Variants in NRXN3 observed in about 807,000 individuals in gnomAD.
The protein encoded by NRXN3 is neurexin III.
Under a neutral mutation model 137.6 loss-of-function variants are expected in NRXN3, and 32 were observed. That is an observed-to-expected ratio of 0.23 (90% CI 0.18 to 0.31). The LOEUF (loss-of-function observed/expected upper bound fraction) is 0.31. Ranked by LOEUF, NRXN3 falls within the 10% of genes least tolerant of loss-of-function variation. NRXN3 has a pLI of 1.00. For synonymous variants in NRXN3, 798 were observed against 784.5 expected (o/e 1.02, Z -0.29); for missense variants, 1,574 against 2,062.5 (o/e 0.76, Z 4.59).
intron 15 of NRXN3, among the ~76,000 whole-genome samples, chr14:79,234,662 G>A (rs927867450): frequency 4.6e-5 from 7 of 151,898 alleles, no homozygotes; most frequent in Admixed American, 3.3e-4. Context: ...GATTATAGGT[G>A]TAAGCCAGGG....
At chr14:78,506,227 T>C (rs891169444) in intron 4 of NRXN3, among the ~76,000 whole-genome samples, 1 of 152,204 alleles carries the variant, frequency 6.6e-6, no homozygotes, top group Non-Finnish European at 1.5e-5. Flanking sequence ...GTATTTGTCC[T>C]GTGACTGGCT....
At chr14:79,463,247 A>G (rs2096376289) in intron 15 of NRXN3, among the ~76,000 whole-genome samples, 2 of 152,310 alleles carry the variant, frequency 1.3e-5, no homozygotes, top group African/African-American at 4.8e-5. Flanking sequence ...TGAAGAAACT[A>G]TAGGTCACCC....
chr14:78,955,355 C>T (rs566713300), intron 10 of NRXN3, among the ~76,000 whole-genome samples: 1 of 152,080 alleles, frequency 6.6e-6, no homozygotes, highest in South Asian at 2.1e-4. Context: ...CAATCTTAGA[C>T]CTGAACTTAA....
At chr14:79,469,621 T>C (rs2096473724) in intron 16 of NRXN3, among the ~76,000 whole-genome samples, 1 of 152,204 alleles carries the variant, frequency 6.6e-6, no homozygotes, top group Non-Finnish European at 1.5e-5. Flanking sequence ...ACTTGGGTGA[T>C]ACAGCCGATT....
At chr14:79,790,708 C>T (rs192108029) in intron 19 of NRXN3, among the ~76,000 whole-genome samples, 41 of 151,040 alleles carry the variant, frequency 2.7e-4, no homozygotes, top group African/African-American at 9.5e-4. Context: ...GCAACCTCCG[C>T]CTCCCAGGTT....
At chr14:79,733,271 A>G (rs2098930433) in intron 19 of NRXN3, among the ~76,000 whole-genome samples, 1 of 152,176 alleles carries the variant, frequency 6.6e-6, no homozygotes, top group Non-Finnish European at 1.5e-5. Context: ...AAAAAATAAA[A>G]TCTGCCTACC....
At chr14:78,395,657 GT>G (rs1258577181) in intron 4 of NRXN3, among the ~76,000 whole-genome samples, 3 of 151,828 alleles carry the variant, frequency 2.0e-5, no homozygotes, top group Non-Finnish European at 4.4e-5. Context: ...TCCGTTTTCA[GT>G]TTTTGCTTCA....
At chr14:79,656,510 C>T (rs1419684695) in intron 16 of NRXN3, among the ~76,000 whole-genome samples, 1 of 152,124 alleles carries the variant, frequency 6.6e-6, no homozygotes, top group African/African-American at 2.4e-5. Context: ...GTAGCTTTGA[C>T]TTGCATCTTA....
At chr14:79,612,035 A>G (rs554721678) in intron 16 of NRXN3, among the ~76,000 whole-genome samples, 18 of 152,334 alleles carry the variant, frequency 1.2e-4, no homozygotes, top group Admixed American at 1.2e-3. Context: ...ATGCTATGGT[A>G]ATAAGACACT....
chr14:79,073,566 T>C (rs909347318), intron 15 of NRXN3, among the ~76,000 whole-genome samples: 1 of 152,204 alleles, frequency 6.6e-6, no homozygotes, highest in Non-Finnish European at 1.5e-5. Flanking sequence ...CAGTGTTTGG[T>C]GGCTTAGGTC....
chr14:78,925,499 G>C (rs985301137), intron 10 of NRXN3, among the ~76,000 whole-genome samples: 2 of 152,134 alleles, frequency 1.3e-5, no homozygotes, highest in Non-Finnish European at 2.9e-5. Context: ...AAACATACTA[G>C]TTAAATGTGA....
At chr14:79,131,778 T>C (rs956525085) in intron 15 of NRXN3, among the ~76,000 whole-genome samples, 1 of 152,198 alleles carries the variant, frequency 6.6e-6, no homozygotes, top group African/African-American at 2.4e-5. Context: ...TCCCCCAGCC[T>C]TGCTGCCACC....
Position 78,383,841 on chromosome 14 carries a change from C to T in NRXN3, c.757+85981C>T, listed in dbSNP as rs73319521. 9.3e-3 allele frequency among the ~76,000 whole-genome samples: 1,411 copies of T among 152,226 alleles called. 22 individuals are homozygous for T. The highest frequency in any genetic ancestry group is 0.032 in the African/African-American group (1,327 of 41,530). Reference sequence around the variant, plus strand: ...TAATCCTTGCCTTTGCCCAATTTCCCACCTAGGAGAATTTTTGTACCTTGA... The same window carrying T: ...TAATCCTTGCCTTTGCCCAATTTCCTACCTAGGAGAATTTTTGTACCTTGA... On this transcript the variant is annotated intron_variant, in intron 4 of 20. Transcript: ENST00000335750.
intron 4 of NRXN3, among the ~76,000 whole-genome samples, chr14:78,329,152 T>C (rs1315376464): frequency 6.6e-6 from 1 of 152,198 alleles, no homozygotes; most frequent in Non-Finnish European, 1.5e-5. Context: ...ATAGGAGTTA[T>C]AAAAATAATA....
At chr14:79,845,892 GAGAA>G (rs1183938025) in intron 20 of NRXN3, among the ~76,000 whole-genome samples, 1 of 143,232 alleles carries the variant, frequency 7.0e-6, no homozygotes, top group African/African-American at 2.5e-5. Flanking sequence ...GAGAGATGGA[GAGAA>G]AGACAGAGAG....
intron 8 of NRXN3, among the ~76,000 whole-genome samples, chr14:78,777,220 C>G (rs1246370321): frequency 6.6e-6 from 1 of 152,186 alleles, no homozygotes; most frequent in African/African-American, 2.4e-5. Context: ...TACTTACTTT[C>G]ACTGCAGTTA....
In NRXN3 at chr14:79,019,117, C is replaced by G. The variant is rs1055459543; in HGVS notation, c.3262+30976C>G. Among the ~76,000 whole-genome samples, 9 of 152,266 alleles carry G rather than the reference C, an allele frequency of 5.9e-5. 1 individual carries two copies. The highest frequency in any genetic ancestry group is 7.4e-5 in the Non-Finnish European group (5 of 68,022). ...GATGTAGGGACAAGCACTTTGGAGA[C>G]AGTACCTTGGTTCAAGTCCTACTGT... is the stretch of plus-strand genomic sequence containing the variant. On this transcript the variant is annotated intron_variant, in intron 15 of 20. Coordinates refer to ENST00000335750, the MANE Select transcript of NRXN3 (RefSeq NM_001330195.2).
At position 78,850,120 on chromosome 14, in the gene NRXN3, G is replaced by A. The variant is rs963548934; in HGVS notation, c.2275+39776G>A. Among the ~76,000 whole-genome samples, 5 of 152,062 alleles carry A rather than the reference G, an allele frequency of 3.3e-5. No individual in the cohort carries two copies. In the East Asian group the frequency reaches 9.6e-4, roughly 29 times the overall value. ...CCTGTAGCTGAGATAGAGGCAGTAG[G>A]CTGCCACTAATACCTGAGAGAGAGA... On this transcript the variant is annotated intron_variant, in intron 10 of 20. Coordinates refer to ENST00000335750, the MANE Select transcript of NRXN3 (RefSeq NM_001330195.2).
In NRXN3 at chr14:78,409,441, C is replaced by T. The variant is rs367988664; in HGVS notation, c.757+111581C>T. On this transcript the variant is annotated intron_variant, in intron 4 of 20. Transcript: ENST00000335750. Reference sequence around the variant, plus strand: ...GCGTGGTCAGGGAGTAAGGGAGATACATGTACAGACCACTGATGTGGACTC... The same window carrying T: ...GCGTGGTCAGGGAGTAAGGGAGATATATGTACAGACCACTGATGTGGACTC... Among the ~76,000 whole-genome samples the T allele has an allele frequency of 2.0e-5, 3 of 152,338 alleles. No homozygotes were observed. The East Asian group carries it at 5.8e-4, about 29-fold the overall frequency.
Sources: gnomAD v4.1 joint callset for allele counts (sites outside exome capture counted in the v4.1 genomes callset) on GRCh38, gnomAD v4.1.1 for gene constraint, MANE v1.5 for transcripts, NCBI Gene and HGNC (gene_info 2026-07-23, HGNC 2026-07-21) for gene names.